Variants in SLC8A1 observed in about 807,000 individuals in gnomAD.
SLC8A1 encodes solute carrier family 8 member A1.
SLC8A1 carries 18 observed loss-of-function variants against 68.3 expected under a neutral mutation model. The observed-to-expected ratio is 0.26, with a 90% confidence interval of 0.18 to 0.39. The LOEUF (loss-of-function observed/expected upper bound fraction) is 0.39, where lower values mean the gene tolerates loss of function less well. Among genes scored for constraint, SLC8A1 ranks in the 10% least tolerant of loss-of-function variants. SLC8A1 has a pLI of 1.00. For synonymous variants in SLC8A1, 475 were observed against 415.5 expected (o/e 1.14, Z -1.74); for missense variants, 985 against 1,156.7 (o/e 0.85, Z 2.15).
intron 2 of SLC8A1, among the ~76,000 whole-genome samples, chr2:40,418,628 A>G (rs1417981270): frequency 6.6e-6 from 1 of 152,240 alleles, no homozygotes; most frequent in African/African-American, 2.4e-5. Flanking sequence ...AAAGGACTCA[A>G]GTGTGAGTAA....
intron 3 of SLC8A1, chr2:40,177,716 A>T (rs1057233506): frequency 7.7e-7 from 1 of 1,292,512 alleles, no homozygotes; most frequent in African/African-American, 1.5e-5. Context: ...AGAAGAGTAC[A>T]ATTTCTCGCT....
chr2:40,181,962 G>A lies in SLC8A1; in HGVS notation c.1809-4107C>T, dbSNP rs13021278. Among the ~76,000 whole-genome samples, 990 of 152,270 alleles carry A rather than the reference G, an allele frequency of 6.5e-3. 4 individuals are homozygous for A. Among genetic ancestry groups the A allele is most frequent in the Non-Finnish European group, 0.011 (733 of 68,020 alleles). On this transcript the variant is annotated intron_variant, in intron 2 of 7. Transcript: ENST00000406785. ...TTGGCTTGATAATCAGCAGAAGCAT[G>A]TTCCTCACAGTTCTGCAGTAGAAAG...
chr2:40,166,676 G>C (rs1242665445), intron 4 of SLC8A1, among the ~76,000 whole-genome samples: 2 of 152,210 alleles, frequency 1.3e-5, no homozygotes, highest in East Asian at 3.8e-4. Flanking sequence ...CTAGTCAAGA[G>C]AGGTGGCTGA....
exon 8 of SLC8A1, chr2:40,103,045 C>G (rs1280491374): frequency 6.6e-6 from 1 of 152,146 alleles, no homozygotes; most frequent in Non-Finnish European, 1.5e-5. Flanking sequence ...GTAATTTTTG[C>G]TTACCTTTCC....
chr2:40,412,256 T>G (rs1241115222), intron 2 of SLC8A1, among the ~76,000 whole-genome samples: 2 of 152,152 alleles, frequency 1.3e-5, no homozygotes, highest in Non-Finnish European at 2.9e-5. Flanking sequence ...TATAACCTTT[T>G]TGGTGAGATG....
At chr2:40,415,110 A>C (rs934300947) in intron 2 of SLC8A1, among the ~76,000 whole-genome samples, 1 of 152,216 alleles carries the variant, frequency 6.6e-6, no homozygotes, top group Admixed American at 6.5e-5. Context: ...TATAAGGCAC[A>C]GTATAGTAGT....
chr2:40,284,793 G>A (rs1042744378), intron 2 of SLC8A1, among the ~76,000 whole-genome samples: 3 of 151,632 alleles, frequency 2.0e-5, no homozygotes, highest in African/African-American at 7.3e-5. Flanking sequence ...TGCAAACAAC[G>A]GCTCACCAAG....
chr2:40,430,710 A>C (rs1698090030), intron 1 of SLC8A1, among the ~76,000 whole-genome samples: 1 of 152,160 alleles, frequency 6.6e-6, no homozygotes, highest in African/African-American at 2.4e-5. Flanking sequence ...CTTTTTACTA[A>C]AGCAGATTTT....
intron 2 of SLC8A1, chr2:40,220,472 C>T (rs2058163427): frequency 6.6e-6 from 1 of 152,160 alleles, no homozygotes. Context: ...CCTTTGGGCA[C>T]AGATCTCTGT....
chr2:40,288,957 C>T (rs532720042), intron 2 of SLC8A1, among the ~76,000 whole-genome samples: 1 of 150,874 alleles, frequency 6.6e-6, no homozygotes, highest in South Asian at 2.1e-4. Flanking sequence ...AACTTGGCCT[C>T]CCAAAATGTC....
chr2:40,131,391 G>A (rs145507340), intron 7 of SLC8A1, among the ~76,000 whole-genome samples: 1 of 152,342 alleles, frequency 6.6e-6, no homozygotes, highest in African/African-American at 2.4e-5. Context: ...TCTATTTGAA[G>A]TAGGATGGGA....
At chr2:40,184,651 G>A (rs2050301612) in intron 2 of SLC8A1, among the ~76,000 whole-genome samples, 1 of 152,074 alleles carries the variant, frequency 6.6e-6, no homozygotes, top group Non-Finnish European at 1.5e-5. Flanking sequence ...AGACAGTAAT[G>A]CCTCATGTCC....
chr2:40,390,149 A>G (rs931993098), intron 2 of SLC8A1, among the ~76,000 whole-genome samples: 1 of 152,130 alleles, frequency 6.6e-6, no homozygotes, highest in Non-Finnish European at 1.5e-5. Context: ...TCACTGTAGT[A>G]AAGTAAGAGC....
chr2:40,435,570 A>G (rs989910209), intron 1 of SLC8A1, among the ~76,000 whole-genome samples: 7 of 152,138 alleles, frequency 4.6e-5, no homozygotes, highest in African/African-American at 1.7e-4. Context: ...TCTTAAACTC[A>G]CAAAACAGAA....
At chr2:40,122,197 T>C (rs528147401) in intron 7 of SLC8A1, among the ~76,000 whole-genome samples, 10 of 116,030 alleles carry the variant, frequency 8.6e-5, no homozygotes, top group Non-Finnish European at 1.9e-4. Context: ...CACAAGTGCA[T>C]GCGCGCGCGC....
At chr2:40,294,161 A>T (rs1382087101) in intron 2 of SLC8A1, among the ~76,000 whole-genome samples, 1 of 152,194 alleles carries the variant, frequency 6.6e-6, no homozygotes, top group African/African-American at 2.4e-5. Context: ...TGCTACTTCT[A>T]AGAGTTTATC....
intron 7 of SLC8A1, among the ~76,000 whole-genome samples, chr2:40,127,349 C>T (rs533491411): frequency 5.3e-5 from 8 of 152,254 alleles, no homozygotes; most frequent in South Asian, 4.1e-4. Context: ...GCAGGAAGCA[C>T]GTCCAACCAC....
At chr2:40,308,696 C>T (rs1233466954) in intron 2 of SLC8A1, among the ~76,000 whole-genome samples, 2 of 152,008 alleles carry the variant, frequency 1.3e-5, no homozygotes, top group African/African-American at 2.4e-5. Flanking sequence ...GTATTGGGCT[C>T]GCAGTTATTT....
chr2:40,429,801 G>C (rs1232314801), exon 2 of SLC8A1: 2 of 1,613,776 alleles, frequency 1.2e-6, no homozygotes, highest in Admixed American at 1.7e-5. Context: ...CTGCAGTGAA[G>C]TTATGGCCAC....
Sources: gnomAD v4.1 joint callset for allele counts (sites outside exome capture counted in the v4.1 genomes callset) on GRCh38, gnomAD v4.1.1 for gene constraint, MANE v1.5 for transcripts, NCBI Gene and HGNC (gene_info 2026-07-23, HGNC 2026-07-21) for gene names.